RANBP17: variants seen among roughly 807,000 people sequenced by gnomAD.
The protein encoded by RANBP17 is ran-binding protein 17.
RANBP17 carries 158 observed loss-of-function variants against 141.2 expected under a neutral mutation model. The observed-to-expected ratio is 1.12, with a 90% CI of 0.98 to 1.28. RANBP17 has a LOEUF of 1.28. RANBP17 is among the 50% of genes most tolerant of loss of function. The probability of loss-of-function intolerance (pLI) is 0.00; values close to 1 mark genes in which losing one functional copy is unlikely to be tolerated. For missense variants in RANBP17, 1,438 were observed against 1,290.7 expected (o/e 1.11, Z -1.75); for synonymous variants, 430 against 450.0 (o/e 0.96, Z 0.56).
intron 14 of RANBP17, among the ~76,000 whole-genome samples, chr5:171,106,594 A>G (rs992592740): frequency 4.6e-5 from 7 of 152,190 alleles, no homozygotes; most frequent in South Asian, 2.1e-4. Context: ...GACTTGGTCA[A>G]TCAAGTCAGA....
chr5:170,976,879 A>T (rs1777415560), intron 14 of RANBP17, among the ~76,000 whole-genome samples: 1 of 152,132 alleles, frequency 6.6e-6, no homozygotes. Flanking sequence ...AATCAGATCT[A>T]AATGTGAGAA....
intron 12 of RANBP17, among the ~76,000 whole-genome samples, chr5:170,942,222 C>T (rs113765389): frequency 3.3e-5 from 5 of 152,066 alleles, no homozygotes; most frequent in African/African-American, 9.7e-5. Context: ...CTCCCCAGTC[C>T]GTGGAAAAAT....
intron 21 of RANBP17, among the ~76,000 whole-genome samples, chr5:171,218,307 C>T (rs1763347073): frequency 6.6e-6 from 1 of 152,048 alleles, no homozygotes; most frequent in South Asian, 2.1e-4. Flanking sequence ...GTTTTACTTC[C>T]AATTATGTGG....
rs186418955 is a variant in RANBP17 at position 171,267,004 on chromosome 5, T to C, written c.2943+1157T>C. Among the ~76,000 whole-genome samples, 22 of 150,550 alleles carry C rather than the reference T, an allele frequency of 1.5e-4. No individual in the cohort carries two copies. In the East Asian group the frequency reaches 4.3e-3, roughly 30 times the overall value. ...AGAACAATACCATTTTTTATGGCTA[T>C]ACCATCACTATATTTTCTTTTCTTT... On this transcript the variant is annotated intron_variant, in intron 25 of 27. Coordinates refer to ENST00000523189, the MANE Select transcript of RANBP17 (RefSeq NM_022897.5).
At chr5:170,981,381 T>C (rs533084824) in intron 14 of RANBP17, among the ~76,000 whole-genome samples, 2 of 152,128 alleles carry the variant, frequency 1.3e-5, no homozygotes, top group Non-Finnish European at 2.9e-5. Context: ...AGGGTTTGGC[T>C]GTGTCCCCAC....
chr5:171,159,803 G>A lies in RANBP17; in HGVS notation c.1711-10327G>A, dbSNP rs1036269640. On this transcript the variant is annotated intron_variant, in intron 14 of 27. Transcript: ENST00000523189. ...CTGGGCGTGGTGGCAGTCGCCTGTG[G>A]TCCCAGCTACTCGGGAGGCTGAGGC... 2.0e-5 allele frequency among the ~76,000 whole-genome samples: 3 copies of A among 151,038 alleles called. No individual in the cohort carries two copies. In the Admixed American group the frequency reaches 2.0e-4, roughly 10 times the overall value.
At chr5:170,952,158 T>TA (rs1191152360) in intron 12 of RANBP17, among the ~76,000 whole-genome samples, 5 of 152,040 alleles carry the variant, frequency 3.3e-5, no homozygotes, top group Admixed American at 6.6e-5. Flanking sequence ...GCTTCTATGA[T>TA]AGACTTTTAT....
intron 13 of RANBP17, among the ~76,000 whole-genome samples, chr5:170,954,857 C>T (rs945768850): frequency 6.6e-6 from 1 of 152,154 alleles, no homozygotes; most frequent in Non-Finnish European, 1.5e-5. Flanking sequence ...CCAATGTATC[C>T]TCTGAACCAA....
chr5:171,031,042 G>A (rs1781518501), intron 14 of RANBP17, among the ~76,000 whole-genome samples: 1 of 151,908 alleles, frequency 6.6e-6, no homozygotes, highest in African/African-American at 2.4e-5. Flanking sequence ...TATAGTTAGT[G>A]TAATTATTAC....
At chr5:171,033,839 T>A (rs562553879) in intron 14 of RANBP17, among the ~76,000 whole-genome samples, 130 of 152,282 alleles carry the variant, frequency 8.5e-4, no homozygotes, top group African/African-American at 3.0e-3. Context: ...AAGTTCTCAG[T>A]GCAGAGTGGT....
intron 11 of RANBP17, among the ~76,000 whole-genome samples, chr5:170,922,768 C>T (rs1000262030): frequency 2.0e-5 from 3 of 152,102 alleles, no homozygotes; most frequent in African/African-American, 4.8e-5. Context: ...TGACCCCTTG[C>T]GCTTCCTGGG....
At chr5:171,171,468 G>A (rs1482591632) in intron 16 of RANBP17, among the ~76,000 whole-genome samples, 182 bp downstream of exon 16, 1 of 152,008 alleles carries the variant, frequency 6.6e-6, no homozygotes, top group Non-Finnish European at 1.5e-5. Context: ...ATACTATGAA[G>A]CATTTAGTCG....
chr5:171,205,601 G>C lies in RANBP17; in HGVS notation c.2220G>C (p.Leu740=). Residue 740 remains leucine (L), a synonymous_variant, in exon 20 of 28, where the codon CTG becomes CTC. Coordinates refer to ENST00000523189, the MANE Select transcript of RANBP17 (RefSeq NM_022897.5). ...ALNTKTSYTM[L]FDWMYPTYLP... is the part of the protein sequence containing the mutation. Reference sequence around the variant, plus strand: ...ACACAAAGACCAGCTACACCATGCTGTTTGACTGGATGTATCCTTATTACA... The same window carrying C: ...ACACAAAGACCAGCTACACCATGCTCTTTGACTGGATGTATCCTTATTACA... 6.2e-7 allele frequency: 1 copy of C among 1,613,340 alleles called. No homozygotes were observed. The highest frequency in any genetic ancestry group is 1.3e-5 in the African/African-American group (1 of 75,002).
At chr5:171,074,233 G>T (rs1561623625) in intron 14 of RANBP17, among the ~76,000 whole-genome samples, 1 of 152,088 alleles carries the variant, frequency 6.6e-6, no homozygotes, top group Non-Finnish European at 1.5e-5. Flanking sequence ...GCCTGATCAT[G>T]AGAACATATT....
At chr5:170,988,098 G>A (rs1258232536) in intron 14 of RANBP17, among the ~76,000 whole-genome samples, 1 of 151,430 alleles carries the variant, frequency 6.6e-6, no homozygotes, top group Non-Finnish European at 1.5e-5. Context: ...TAAAATATAT[G>A]CTTACCCACA....
chr5:171,012,333 C>T lies in RANBP17; in HGVS notation c.1710+43956C>T, dbSNP rs1202123841. Reference sequence around the variant, plus strand: ...TTGTCGTTGCTTGCTTTTCATTTAGCTGGTCTTACATGAAGGAAATGAACT... The same window carrying T: ...TTGTCGTTGCTTGCTTTTCATTTAGTTGGTCTTACATGAAGGAAATGAACT... On this transcript the variant is annotated intron_variant, in intron 14 of 27. Transcript: ENST00000523189. 2.6e-5 allele frequency among the ~76,000 whole-genome samples: 4 copies of T among 152,040 alleles called. No homozygotes were observed. The East Asian group carries it at 7.7e-4, about 29-fold the overall frequency.
intron 14 of RANBP17, among the ~76,000 whole-genome samples, chr5:171,023,306 C>T (rs1339413458): frequency 6.6e-6 from 1 of 152,190 alleles, no homozygotes; most frequent in African/African-American, 2.4e-5. Context: ...ACTTTTATAA[C>T]TTTTATATTT....
At chr5:171,002,176 G>A (rs368649176) in intron 14 of RANBP17, among the ~76,000 whole-genome samples, 32 of 152,260 alleles carry the variant, frequency 2.1e-4, no homozygotes, top group African/African-American at 6.7e-4. Context: ...GTTATGAAAT[G>A]ACGATAGAAT....
At chr5:171,132,601 C>T (rs1258644074) in intron 14 of RANBP17, among the ~76,000 whole-genome samples, 1 of 151,762 alleles carries the variant, frequency 6.6e-6, no homozygotes, top group African/African-American at 2.4e-5. Context: ...GCATGCCTGT[C>T]GTCCCAGCTA....
Sources: allele counts gnomAD v4.1 joint callset (sites outside exome capture counted in the v4.1 genomes callset), GRCh38; gene constraint gnomAD v4.1.1; transcripts MANE v1.5; gene names NCBI Gene and HGNC (gene_info 2026-07-23, HGNC 2026-07-21).